Variants in RAD54L2 observed in about 807,000 individuals in gnomAD.
RAD54L2 encodes helicase ARIP4.
Under a neutral mutation model 138.4 loss-of-function variants are expected in RAD54L2, and 27 were observed. The ratio of observed to expected loss-of-function variants is 0.20; its 90% CI spans 0.14 to 0.27. The LOEUF is 0.27. Ranked by LOEUF, RAD54L2 falls within the 10% of genes least tolerant of loss-of-function variation. The probability of loss-of-function intolerance (pLI) is 1.00; values close to 1 mark genes in which losing one functional copy is unlikely to be tolerated. For missense variants in RAD54L2, 1,396 were observed against 1,890.2 expected (o/e 0.74, Z 4.85); for synonymous variants, 644 against 723.2 (o/e 0.89, Z 1.76).
At position 51,538,730 on chromosome 3, in the gene RAD54L2, C is replaced by CCGCCGCCGGTGGAGACCGA. The variant is rs1288427824; in HGVS notation, c.-298_-280dup. 2.6e-5 allele frequency among the ~76,000 whole-genome samples: 4 copies of CCGCCGCCGGTGGAGACCGA among 151,988 alleles called. No homozygotes were observed. The highest frequency in any genetic ancestry group is 5.9e-5 in the Non-Finnish European group (4 of 67,952). ...GACCGTGAGCGGAGGCTGGCGAGCG[C>CCGCCGCCGGTGGAGACCGA]CGCCGCCGGTGGAGACCGACGCTTG... On this transcript the variant is annotated 5_prime_UTR_variant, in exon 1 of 23. Coordinates refer to ENST00000684192, the MANE Select transcript of RAD54L2 (RefSeq NM_015106.4).
At chr3:51,658,285 C>T (rs538693436) in intron 21 of RAD54L2, among the ~76,000 whole-genome samples, 5 of 152,070 alleles carry the variant, frequency 3.3e-5, no homozygotes, top group African/African-American at 1.2e-4. Context: ...CACAAGGAGA[C>T]CAAAATTGGA....
At chr3:51,551,975 C>CT (rs1189377524) in intron 2 of RAD54L2, among the ~76,000 whole-genome samples, 1 of 152,010 alleles carries the variant, frequency 6.6e-6, no homozygotes, top group African/African-American at 2.4e-5. Context: ...TGATCTCAAT[C>CT]TCTTGACCTC....
intron 7 of RAD54L2, among the ~76,000 whole-genome samples, chr3:51,632,483 C>T (rs375883040): frequency 1.3e-5 from 2 of 152,028 alleles, no homozygotes; most frequent in Non-Finnish European, 2.9e-5. Context: ...TTAGTAGAGC[C>T]GGGGTTTCAC....
At chr3:51,653,881 C>T (rs1701522482) in intron 19 of RAD54L2, among the ~76,000 whole-genome samples, 1 of 152,078 alleles carries the variant, frequency 6.6e-6, no homozygotes. Context: ...TGTATACATA[C>T]GTAACAACCC....
chr3:51,580,572 AC>A (rs1390323858), intron 2 of RAD54L2, among the ~76,000 whole-genome samples: 2 of 152,102 alleles, frequency 1.3e-5, no homozygotes, highest in Admixed American at 6.5e-5. Context: ...TAGGGGCCCC[AC>A]CCTAAGTTTA....
intron 2 of RAD54L2, among the ~76,000 whole-genome samples, chr3:51,582,921 G>T (rs373980975): frequency 4.6e-5 from 7 of 151,836 alleles, no homozygotes; most frequent in East Asian, 3.9e-4. Context: ...GCCCGCCACC[G>T]CGCCCGGCTA....
chr3:51,549,413 A>G (rs1385984600), intron 2 of RAD54L2, among the ~76,000 whole-genome samples: 1 of 152,172 alleles, frequency 6.6e-6, no homozygotes, highest in East Asian at 1.9e-4. Context: ...TAGTTCGGCA[A>G]TTGAGGCCCA....
At chr3:51,661,007 G>T (rs939330111) in intron 22 of RAD54L2, among the ~76,000 whole-genome samples, 1 of 152,040 alleles carries the variant, frequency 6.6e-6, no homozygotes, top group Admixed American at 6.6e-5. Flanking sequence ...AGGCTGGAGT[G>T]CAGCAGTGCA....
intron 2 of RAD54L2, among the ~76,000 whole-genome samples, chr3:51,551,355 A>G (rs1451104924): frequency 6.7e-6 from 1 of 149,656 alleles, no homozygotes; most frequent in African/African-American, 2.5e-5. Flanking sequence ...CTGGTCTTGA[A>G]CTCCTGGGCT....
At chr3:51,541,788 T>A (rs781786864) in intron 2 of RAD54L2, 138 bp downstream of exon 2, 8 of 152,186 alleles carry the variant, frequency 5.3e-5, no homozygotes, top group Non-Finnish European at 1.0e-4. Context: ...GCTGTCTATC[T>A]CTCTGTGTAT....
intron 4 of RAD54L2, among the ~76,000 whole-genome samples, chr3:51,628,699 T>A (rs1700754193): frequency 6.7e-6 from 1 of 149,480 alleles, no homozygotes; most frequent in Non-Finnish European, 1.5e-5. Context: ...CAATCCTAAT[T>A]TCTTTTCTAC....
At chr3:51,558,848 C>T (rs1699032786) in intron 2 of RAD54L2, among the ~76,000 whole-genome samples, 1 of 152,042 alleles carries the variant, frequency 6.6e-6, no homozygotes, top group Admixed American at 6.6e-5. Flanking sequence ...TAATAGAAAT[C>T]AACTGTGTAA....
rs966321619 is a variant in RAD54L2 at position 51,657,672 on chromosome 3, A to G, written c.3316+3A>G. 2.3e-5 allele frequency: 35 copies of G among 1,553,096 alleles called. No homozygotes were observed. In the Admixed American group the frequency reaches 6.4e-4, roughly 28 times the overall value. On this transcript the variant is annotated splice_donor_region_variant and intron_variant, in intron 21 of 22. Coordinates refer to ENST00000684192, the MANE Select transcript of RAD54L2 (RefSeq NM_015106.4). ...CCACATCATCCGTGGGACAAAAGGT[A>G]AGAGCCTGACCAAGGACCTGTTCCC...
chr3:51,609,416 C>T (rs1700280396), intron 3 of RAD54L2, among the ~76,000 whole-genome samples: 1 of 152,206 alleles, frequency 6.6e-6, no homozygotes, highest in Non-Finnish European at 1.5e-5. Context: ...AGCATATGCT[C>T]TTCAACCTAC....
intron 3 of RAD54L2, among the ~76,000 whole-genome samples, chr3:51,593,220 C>T (rs1258865586): frequency 4.6e-5 from 7 of 151,852 alleles, no homozygotes; most frequent in Admixed American, 4.6e-4. Flanking sequence ...AAACATCCTA[C>T]AATGCATAGG....
At position 51,635,666 on chromosome 3, in the gene RAD54L2, A is replaced by C; in HGVS notation, c.1216A>C (p.Met406Leu). The part of the protein sequence containing the change: ...EGGVLLMGYE[M>L]YRLLTLKKSF... Reference sequence around the variant, plus strand: ...TGGCGTGCTGCTGATGGGGTACGAGATGTACAGACTCCTCACTCTGAAGAA... The same window carrying C: ...TGGCGTGCTGCTGATGGGGTACGAGCTGTACAGACTCCTCACTCTGAAGAA... Residue 406 changes from methionine to leucine, a missense_variant, in exon 10 of 23, where the codon ATG (methionine) becomes CTG (leucine). Transcript: ENST00000684192. 4.3e-6 allele frequency: 7 copies of C among 1,613,832 alleles called. No homozygotes were observed. Among genetic ancestry groups the C allele is most frequent in the Non-Finnish European group, 5.1e-6 (6 of 1,179,860 alleles).
chr3:51,639,767 C>T, intron 13 of RAD54L2, 97 bp downstream of exon 13: 1 of 1,530,626 alleles, frequency 6.5e-7, no homozygotes, highest in Non-Finnish European at 8.9e-7. Flanking sequence ...TGGCTAGGGT[C>T]TCTGTATGGA....
rs2106865652 is a variant in RAD54L2, at chr3:51,664,236, A to C, written c.*816A>C. 6.6e-6 allele frequency: 1 copy of C among 152,282 alleles called. No individual in the cohort carries two copies. Among genetic ancestry groups the C allele is most frequent in the East Asian group, 1.9e-4 (1 of 5,176 alleles). 9.4% of individuals were successfully genotyped at this position (152,282 alleles called of 1,614,324 possible). On this transcript the variant is annotated 3_prime_UTR_variant, in exon 23 of 23. Transcript: ENST00000684192. ...TTTGTGTGAGAATTTGGGGAAATTC[A>C]TGAGAGAAAATGGGCATTACCAATC...
chr3:51,588,618 C>T (rs1321389675), intron 2 of RAD54L2, among the ~76,000 whole-genome samples: 1 of 149,442 alleles, frequency 6.7e-6, no homozygotes, highest in Non-Finnish European at 1.5e-5. Context: ...TACTAGTTAA[C>T]ATTTTGCTAT....
Sources: gnomAD v4.1 joint callset for allele counts (sites outside exome capture counted in the v4.1 genomes callset) on GRCh38, gnomAD v4.1.1 for gene constraint, MANE v1.5 for transcripts, NCBI Gene and HGNC (gene_info 2026-07-23, HGNC 2026-07-21) for gene names.